The following HMGXB3 variants were observed in gnomAD, a reference collection of about 807,000 sequenced individuals.
The protein encoded by HMGXB3 is HMG-box containing 3.
HMGXB3 carries 45 observed loss-of-function variants against 121.5 expected under a neutral mutation model. The observed-to-expected ratio is 0.37, with a 90% CI of 0.29 to 0.47. The LOEUF (loss-of-function observed/expected upper bound fraction) is 0.47, where lower values mean the gene tolerates loss of function less well. Ranked by LOEUF, HMGXB3 falls within the 20% of genes least tolerant of loss-of-function variation. HMGXB3 has a pLI of 0.99. For missense variants in HMGXB3, 1,376 were observed against 1,602.2 expected, an observed-to-expected ratio of 0.86 and a Z score of 2.41; for synonymous variants, 590 against 624.1, an observed-to-expected ratio of 0.95 and a Z score of 0.81.
In HMGXB3 at chr5:150,013,756, C is replaced by T. The variant is rs10058414; in HGVS notation, c.909+1403C>T. 5.9e-3 allele frequency among the ~76,000 whole-genome samples: 900 copies of T among 152,298 alleles called. 10 individuals carry two copies. The highest frequency in any genetic ancestry group is 0.021 in the African/African-American group (860 of 41,552). On this transcript the variant is annotated intron_variant, in intron 5 of 19. Coordinates refer to ENST00000502717, the MANE Select transcript of HMGXB3 (RefSeq NM_014983.3). Reference sequence around the variant, plus strand: ...GTATTTTGGCTTTCAAGGAATTTGTCCATTTCATTTAGGCTGTTAAATTTA... The same window carrying T: ...GTATTTTGGCTTTCAAGGAATTTGTTCATTTCATTTAGGCTGTTAAATTTA...
intron 13 of HMGXB3, among the ~76,000 whole-genome samples, chr5:150,038,191 G>A (rs1379475276): frequency 2.0e-5 from 3 of 152,136 alleles, no homozygotes; most frequent in South Asian, 2.1e-4. Flanking sequence ...AACACTCACC[G>A]TGTACCAGCC....
Position 150,010,602 on chromosome 5 carries a change from C to A in HMGXB3, c.804C>A (p.Val268=). Residue 268 remains valine, a synonymous_variant, in exon 4 of 20, where the codon GTC becomes GTA. Transcript: ENST00000502717. ...QVGESVSVVT[V]MRDSSESSSS... is the part of the protein sequence containing the mutation. Reference sequence around the variant, plus strand: ...GGGAGAGTGTATCAGTGGTAACAGTCATGAGGGTAAGTGGCTTTGGTACTG... The same window carrying A: ...GGGAGAGTGTATCAGTGGTAACAGTAATGAGGGTAAGTGGCTTTGGTACTG... The A allele has an allele frequency of 6.5e-7, 1 of 1,549,784 alleles. No homozygotes were observed. Among genetic ancestry groups the A allele is most frequent in the South Asian group, 1.2e-5 (1 of 83,824 alleles).
At chr5:150,006,689 G>C in intron 3 of HMGXB3, 42 bp downstream of exon 3, 5 of 1,513,430 alleles carry the variant, frequency 3.3e-6, no homozygotes, top group Non-Finnish European at 4.5e-6. Flanking sequence ...CACTGGTTCA[G>C]TGATGAAGGC....
At chr5:150,045,831 C>A in intron 16 of HMGXB3, 146 bp downstream of exon 16, 1 of 661,124 alleles carries the variant, frequency 1.5e-6, no homozygotes, top group Non-Finnish European at 2.6e-6. Context: ...CAGCCCGTGT[C>A]AAAATCCCCT....
At position 150,051,933 on chromosome 5, in the gene HMGXB3, T is replaced by C. The variant is rs200084504; in HGVS notation, c.3620T>C (p.Ile1207Thr). ...CCTTACGCAACCATCCTGGCCTCCA[T>C]CGTGGACAGCAAACCAAACGGTGTC... is the stretch of plus-strand genomic sequence containing the variant. Reference protein sequence around the residue: ...LAPYATILASIVDSKPNGVRQ... With the variant: ...LAPYATILASTVDSKPNGVRQ... The change falls in exon 20 of 20, where the codon ATC becomes ACC. Residue 1207 changes from isoleucine to threonine, a missense_variant. Ile to Thr is a moderately conservative substitution (Grantham distance 89, BLOSUM62 -1). Transcript: ENST00000502717. 190 of 1,552,192 alleles carry C rather than the reference T, an allele frequency of 1.2e-4. 1 individual carries two copies. The highest frequency in any genetic ancestry group is 2.2e-5 in the Non-Finnish European group (25 of 1,147,150).
In HMGXB3 at chr5:150,026,793, C is replaced by A. The variant is rs61739331; in HGVS notation, c.1548C>A (p.Pro516=). Residue 516 remains proline (P), a synonymous_variant, in exon 8 of 20, where the codon CCC becomes CCA. Coordinates refer to ENST00000502717, the MANE Select transcript of HMGXB3 (RefSeq NM_014983.3). ...GKPSLLAAAR[P]MRAILPAPVN... ...CCTCATTACTGGCTGCAGCAAGACC[C>A]ATGAGAGCAATTTTGCCAGCCCCAG... is the stretch of plus-strand genomic sequence containing the variant. 3.9e-6 allele frequency: 6 copies of A among 1,548,492 alleles called. No individual in the cohort carries two copies. The African/African-American group carries it at 8.2e-5, about 21-fold the overall frequency.
chr5:150,039,358 A>G (rs1038520605), intron 13 of HMGXB3, among the ~76,000 whole-genome samples: 6 of 152,156 alleles, frequency 3.9e-5, no homozygotes, highest in South Asian at 2.1e-4. Flanking sequence ...AGACTTACAT[A>G]TAAGTATTTT....
rs921619922 is a variant in HMGXB3, at chr5:150,005,080, A to G, written c.137+91A>G. On this transcript the variant is annotated intron_variant, in intron 2 of 19. Transcript: ENST00000502717. ...AGGAAAACTTTTAAGACTCTTTGAA[A>G]AAGAGTGTTATGATTGAAGTCCTGT... 3.6e-5 allele frequency: 52 copies of G among 1,451,502 alleles called. No homozygotes were observed. The South Asian group carries it at 7.4e-4, about 21-fold the overall frequency. The allele number at this position is 1,451,502 out of a possible 1,614,324, so 89.9% of individuals were successfully genotyped here.
In HMGXB3 at chr5:150,034,446, C is replaced by T. The variant is rs115657256; in HGVS notation, c.1983+1843C>T. On this transcript the variant is annotated intron_variant, in intron 11 of 19. Transcript: ENST00000502717. ...CCTTTCTCCTTCCAGTTCATTTTAG[C>T]TATTTGCGCGGTTTGCAGTGGAAGT... Among the ~76,000 whole-genome samples, 739 of 152,006 alleles carry T rather than the reference C, an allele frequency of 4.9e-3. 6 individuals carry two copies. Among genetic ancestry groups the T allele is most frequent in the African/African-American group, 0.017 (694 of 41,446 alleles).
intron 6 of HMGXB3, among the ~76,000 whole-genome samples, chr5:150,020,578 T>C (rs1207084925): frequency 3.9e-5 from 6 of 152,194 alleles, no homozygotes; most frequent in Non-Finnish European, 8.8e-5. Flanking sequence ...GTGTGGTTTT[T>C]TTTCCACTTT....
At chr5:150,018,961 G>A (rs899800359) in intron 6 of HMGXB3, among the ~76,000 whole-genome samples, 2 of 151,788 alleles carry the variant, frequency 1.3e-5, no homozygotes, top group Non-Finnish European at 2.9e-5. Flanking sequence ...CTGTGAATAA[G>A]TTCTGTATCT....
chr5:150,031,893 C>T (rs1251885137), intron 10 of HMGXB3, among the ~76,000 whole-genome samples: 1 of 152,006 alleles, frequency 6.6e-6, no homozygotes, highest in Non-Finnish European at 1.5e-5. Context: ...AGGTTTCTTT[C>T]TCTTGTGACC....
Position 150,010,596 on chromosome 5 carries a change from A to G in HMGXB3, c.798A>G (p.Val266=). The G allele has an allele frequency of 6.4e-7, 1 of 1,550,578 alleles. No individual in the cohort carries two copies. The highest frequency in any genetic ancestry group is 8.7e-7 in the Non-Finnish European group (1 of 1,146,610). The change falls in exon 4 of 20, where the codon GTA becomes GTG. Residue 266 remains valine (V), a synonymous_variant. Coordinates refer to ENST00000502717, the MANE Select transcript of HMGXB3 (RefSeq NM_014983.3). ...AGGTTGGGGAGAGTGTATCAGTGGT[A>G]ACAGTCATGAGGGTAAGTGGCTTTG... The part of the protein sequence containing the change: ...HPQVGESVSV[V]TVMRDSSESS...
At chr5:150,016,403 T>C (rs1755962124) in intron 5 of HMGXB3, among the ~76,000 whole-genome samples, 1 of 151,934 alleles carries the variant, frequency 6.6e-6, no homozygotes, top group Non-Finnish European at 1.5e-5. Flanking sequence ...GTCTGTTTCT[T>C]ACAGTTCTCT....
chr5:150,029,189 T>C (rs1436644230), intron 9 of HMGXB3, among the ~76,000 whole-genome samples: 1 of 152,192 alleles, frequency 6.6e-6, no homozygotes, highest in Non-Finnish European at 1.5e-5. Context: ...TGGCTCTTAC[T>C]CCATATACTA....
At chr5:150,037,769 A>G (rs1756533514) in intron 13 of HMGXB3, among the ~76,000 whole-genome samples, 1 of 152,256 alleles carries the variant, frequency 6.6e-6, no homozygotes, top group African/African-American at 2.4e-5. Flanking sequence ...GAAAATGCAG[A>G]CAAATAAAAA....
At chr5:150,028,559 ATTT>A (rs55858256) in intron 9 of HMGXB3, among the ~76,000 whole-genome samples, 5,893 of 38,552 alleles carry the variant, frequency 0.15, 191 homozygotes, top group African/African-American at 0.19. Flanking sequence ...ATATATATAT[ATTT>A]TTTTTTTTTT....
At chr5:150,050,654 G>A (rs1016570745) in intron 19 of HMGXB3, among the ~76,000 whole-genome samples, 193 bp downstream of exon 19, 2 of 152,132 alleles carry the variant, frequency 1.3e-5, no homozygotes, top group African/African-American at 4.8e-5. Flanking sequence ...GCTAATTTTT[G>A]TGTTTTAGTA....
Position 150,000,956 on chromosome 5 carries a change from A to T in HMGXB3, c.-226A>T, listed in dbSNP as rs1755546173. On this transcript the variant is annotated 5_prime_UTR_variant, in exon 1 of 20. Transcript: ENST00000502717. ...AGGGGAAGCGAGAGGGGCTGTCGCG[A>T]CTCCGCGCCGTGTGTCGCCGGGCGG... The T allele has an allele frequency of 6.5e-6, 1 of 153,342 alleles. No homozygotes were observed. Among genetic ancestry groups the T allele is most frequent in the Non-Finnish European group, 1.5e-5 (1 of 67,918 alleles). The allele number at this position is 153,342 out of a possible 1,614,324, so 9.5% of individuals were successfully genotyped here.
Sources: allele counts gnomAD v4.1 joint callset (sites outside exome capture counted in the v4.1 genomes callset), GRCh38; gene constraint gnomAD v4.1.1; transcripts MANE v1.5; gene names NCBI Gene and HGNC (gene_info 2026-07-23, HGNC 2026-07-21).